Variants in BBS12 observed in about 807,000 individuals in gnomAD.
The protein encoded by BBS12 is Bardet-Biedl syndrome 12.
Under a neutral mutation model 5.6 loss-of-function variants are expected in BBS12, and 5 were observed. That is an observed-to-expected ratio of 0.89 (90% confidence interval 0.46 to 1.86). BBS12 has a LOEUF of 1.86. BBS12 is among the 40% of genes most tolerant of loss of function. BBS12 has a pLI of 0.01. For synonymous variants in BBS12, 308 were observed against 306.8 expected (o/e 1.00, Z -0.04); for missense variants, 748 against 830.4 (o/e 0.90, Z 1.22).
the BBS12 span, among the ~76,000 whole-genome samples, chr4:122,707,775 C>G: frequency 6.6e-6 from 1 of 152,076 alleles, no homozygotes; most frequent in Non-Finnish European, 1.5e-5. Flanking sequence ...AAGAAGTTCC[C>G]CTGCTCTGCT....
At chr4:122,728,613 A>T (rs1294859617), upstream of BBS12, 2 of 152,230 alleles carry the variant, frequency 1.3e-5, no homozygotes, top group Non-Finnish European at 2.9e-5. Context: ...TTCACATATG[A>T]AGCACATTTA....
At chr4:122,704,834 T>C in the BBS12 span, among the ~76,000 whole-genome samples, 5 of 152,320 alleles carry the variant, frequency 3.3e-5, no homozygotes, top group Non-Finnish European at 5.9e-5. Context: ...TTGACTTCAA[T>C]TCCAAGCCAG....
the BBS12 span, among the ~76,000 whole-genome samples, chr4:122,724,027 G>T: frequency 6.6e-6 from 1 of 152,142 alleles, no homozygotes; most frequent in Non-Finnish European, 1.5e-5. Flanking sequence ...CTCTTAGTTG[G>T]TTCCTTGTAT....
At chr4:122,714,737 G>A in the BBS12 span, among the ~76,000 whole-genome samples, 1 of 151,840 alleles carries the variant, frequency 6.6e-6, no homozygotes, top group Non-Finnish European at 1.5e-5. Context: ...TCTAATAACA[G>A]GTACTCATAT....
At chr4:122,739,046 A>G (rs1421044833) in intron 1 of BBS12, among the ~76,000 whole-genome samples, 1 of 152,188 alleles carries the variant, frequency 6.6e-6, no homozygotes, top group Non-Finnish European at 1.5e-5. Flanking sequence ...GCTGTTTGAA[A>G]CAGAGGCAGA....
At chr4:122,716,635 A>G in the BBS12 span, among the ~76,000 whole-genome samples, 1 of 80,368 alleles carries the variant, frequency 1.2e-5, no homozygotes, top group African/African-American at 4.5e-5. Context: ...ACACATATGT[A>G]TATACACACG....
the BBS12 span, among the ~76,000 whole-genome samples, chr4:122,705,615 T>C: frequency 1.3e-5 from 2 of 152,242 alleles, no homozygotes; most frequent in Non-Finnish European, 2.9e-5. Context: ...TAGTTTGTAT[T>C]ATTTGCTGAA....
the BBS12 span, among the ~76,000 whole-genome samples, chr4:122,722,410 T>G: frequency 6.6e-6 from 1 of 152,180 alleles, no homozygotes; most frequent in African/African-American, 2.4e-5. Flanking sequence ...ATGTAAAATT[T>G]AGAATCAACT....
intron 1 of BBS12, among the ~76,000 whole-genome samples, chr4:122,733,113 G>A (rs2150731349): frequency 6.6e-6 from 1 of 152,272 alleles, no homozygotes; most frequent in South Asian, 2.1e-4. Context: ...AGTGCCTGGA[G>A]CTGGGCCTTC....
intron 1 of BBS12, among the ~76,000 whole-genome samples, chr4:122,738,269 T>G (rs1800815841): frequency 6.6e-6 from 1 of 152,006 alleles, no homozygotes; most frequent in South Asian, 2.1e-4. Context: ...CAGGTTGGAG[T>G]GTGCAATCTC....
the BBS12 span, among the ~76,000 whole-genome samples, chr4:122,727,543 A>ACTTTTTTTTTTTTTTT: frequency 1.1e-5 from 1 of 88,436 alleles, no homozygotes; most frequent in African/African-American, 6.0e-5. Context: ...GCCCCTGGCC[A>ACTTTTTTTTTTTTTTT]ATTTTTTTTT....
At chr4:122,734,546 G>T (rs1004996317) in intron 1 of BBS12, among the ~76,000 whole-genome samples, 47 of 152,216 alleles carry the variant, frequency 3.1e-4, no homozygotes, top group Middle Eastern at 3.4e-3. Flanking sequence ...GATTACAGGC[G>T]TGAGCAACTG....
In BBS12 at chr4:122,742,008, T is replaced by C. The variant is rs138036823; in HGVS notation, c.116T>C (p.Ile39Thr). ...FLGPLKSSKF[I>T]IDEECHESVL... is the part of the protein sequence containing the mutation. ...GGCCCACTAAAATCATCCAAATTTA[T>C]TATAGATGAAGAATGTCATGAAAGT... The change falls in exon 2 of 2, where the codon ATT becomes ACT. Residue 39 changes from isoleucine to threonine, a missense_variant. Coordinates refer to ENST00000314218, the MANE Select transcript of BBS12 (RefSeq NM_152618.3). 7.3e-3 allele frequency: 11,758 copies of C among 1,613,476 alleles called. 55 individuals carry two copies. Among genetic ancestry groups the C allele is most frequent in the Middle Eastern group, 0.012 (71 of 6,058 alleles).
the BBS12 span, among the ~76,000 whole-genome samples, chr4:122,716,697 G>GACACA: frequency 4.0e-5 from 4 of 100,574 alleles, no homozygotes; most frequent in Non-Finnish European, 7.0e-5. Flanking sequence ...ATGTGTATGT[G>GACACA]TGTGTATACA....
At chr4:122,738,166 A>G (rs917656832) in intron 1 of BBS12, among the ~76,000 whole-genome samples, 1 of 152,222 alleles carries the variant, frequency 6.6e-6, no homozygotes, top group African/African-American at 2.4e-5. Context: ...AAATAGGTAA[A>G]TTAGATTTCA....
the BBS12 span, among the ~76,000 whole-genome samples, chr4:122,719,108 C>T: frequency 8.5e-5 from 13 of 152,158 alleles, no homozygotes; most frequent in African/African-American, 2.7e-4. Context: ...CGTGAGCCAC[C>T]GCGCCTGGCC....
At chr4:122,740,273 A>G (rs1007671377) in intron 1 of BBS12, among the ~76,000 whole-genome samples, 1 of 152,214 alleles carries the variant, frequency 6.6e-6, no homozygotes, top group Non-Finnish European at 1.5e-5. Context: ...TCTAAAAAAT[A>G]AAAATAAAAA....
intron 1 of BBS12, 129 bp downstream of exon 1, chr4:122,733,013 G>C (rs903123779): frequency 1.3e-5 from 2 of 152,506 alleles, no homozygotes; most frequent in Admixed American, 6.5e-5. Context: ...TGGAGGTCCT[G>C]GGGTGAATTG....
chr4:122,739,640 A>G (rs1386983467), intron 1 of BBS12, among the ~76,000 whole-genome samples: 1 of 152,260 alleles, frequency 6.6e-6, no homozygotes, highest in East Asian at 1.9e-4. Context: ...ATCAGCCCTC[A>G]AGGGCACATG....
Sources: allele counts gnomAD v4.1 joint callset (sites outside exome capture counted in the v4.1 genomes callset), GRCh38; gene constraint gnomAD v4.1.1; transcripts MANE v1.5; gene names NCBI Gene and HGNC (gene_info 2026-07-23, HGNC 2026-07-21).